The following ZSCAN21 variants were observed in gnomAD, a reference collection of about 807,000 sequenced individuals.
The protein encoded by ZSCAN21 is zinc finger and SCAN domain containing 21.
ZSCAN21 carries 26 observed loss-of-function variants against 35.6 expected under a neutral mutation model. The ratio of observed to expected loss-of-function variants is 0.73; its 90% CI spans 0.54 to 1.01. ZSCAN21 has a LOEUF of 1.01. Ranked by LOEUF, ZSCAN21 falls within the 50% of genes least tolerant of loss-of-function variation. ZSCAN21 has a pLI of 0.00. For synonymous variants in ZSCAN21, 219 were observed against 219.3 expected (o/e 1.00, Z 0.01); for missense variants, 593 against 587.1 (o/e 1.01, Z -0.10).
chr7:100,064,409 C>A lies in ZSCAN21; in HGVS notation c.1214C>A (p.Ser405Tyr), dbSNP rs1349022500. ...KSFSQHAGLS[S>Y]HQRLHTGEKP... is the part of the protein sequence containing the mutation. ...TTCAGTCAGCATGCGGGCCTCAGCT[C>A]CCACCAGAGACTCCACACCGGAGAG... The change falls in exon 4 of 4, where the codon TCC (serine) becomes TAC (tyrosine). Residue 405 changes from serine to tyrosine, a missense_variant. Transcript: ENST00000292450. 6.2e-7 allele frequency: 1 copy of A among 1,613,628 alleles called. No homozygotes were observed. The highest frequency in any genetic ancestry group is 8.5e-7 in the Non-Finnish European group (1 of 1,179,874).
In ZSCAN21 at chr7:100,064,123, T is replaced by C. The variant is rs368423078; in HGVS notation, c.928T>C (p.Cys310Arg). 37 of 1,614,044 alleles carry C rather than the reference T, an allele frequency of 2.3e-5. No homozygotes were observed. In the African/African-American group the frequency reaches 4.8e-4, roughly 21 times the overall value. Residue 310 changes from cysteine (C) to arginine (R), a missense_variant, in exon 4 of 4, where the codon TGT becomes CGT. By Grantham distance (180) the Cys-to-Arg change is radical (BLOSUM62 -3). Coordinates refer to ENST00000292450, the MANE Select transcript of ZSCAN21 (RefSeq NM_145914.3). Reference protein sequence around the residue: ...TGEKPYVCTKCGKAFSHSSNL... With the variant: ...TGEKPYVCTKRGKAFSHSSNL... The stretch of plus-strand genomic sequence containing the variant: ...GGAGAAACCTTACGTGTGCACCAAG[T>C]GTGGGAAAGCTTTCAGCCACAGCTC...
chr7:100,051,178 C>CAAA lies in ZSCAN21; in HGVS notation c.-97+1360_-97+1362dup, dbSNP rs369246193. 4.1e-3 allele frequency among the ~76,000 whole-genome samples: 169 copies of CAAA among 41,360 alleles called. 10 individuals carry two copies. Among genetic ancestry groups the CAAA allele is most frequent in the African/African-American group, 5.2e-3 (46 of 8,852 alleles). The allele number at this position is 41,360 out of a possible 152,430, so 27.1% of individuals were successfully genotyped here. A position where few individuals can be genotyped will look rare whatever the true frequency, so the allele number is the denominator to read the frequency against. ...GGGAAACAAGAGTGAAACTACGTCT[C>CAAA]AAAAAAAAAAAAAAAAAAAAAAAAA... is the stretch of plus-strand genomic sequence containing the variant. On this transcript the variant is annotated intron_variant, in intron 1 of 3. Transcript: ENST00000292450.
chr7:100,064,928 A>G lies in ZSCAN21; in HGVS notation c.*311A>G, dbSNP rs1379181183. On this transcript the variant is annotated 3_prime_UTR_variant, in exon 4 of 4. Transcript: ENST00000292450. ...TGTATCCAGTCTAGTTAAGGAAGAAACATTAAGATTGTTTAATTTTTAACA... is the reference window on the plus strand; with the variant it reads ...TGTATCCAGTCTAGTTAAGGAAGAAGCATTAAGATTGTTTAATTTTTAACA... 1.2e-6 allele frequency: 2 copies of G among 1,610,520 alleles called. No homozygotes were observed. The highest frequency in any genetic ancestry group is 1.7e-6 in the Non-Finnish European group (2 of 1,178,552).
chr7:100,053,889 A>G (rs1040805492), intron 1 of ZSCAN21, among the ~76,000 whole-genome samples: 1 of 152,034 alleles, frequency 6.6e-6, no homozygotes, highest in African/African-American at 2.4e-5. Flanking sequence ...CCAAGATACT[A>G]GGTATGGCCC....
In ZSCAN21 at chr7:100,063,808, C is replaced by T; in HGVS notation, c.613C>T (p.His205Tyr). 1.2e-6 allele frequency: 2 copies of T among 1,610,466 alleles called. No homozygotes were observed. The highest frequency in any genetic ancestry group is 2.2e-5 in the South Asian group (2 of 90,490). ...TTCAGATTGCAGATTGAGTACCCAG[C>T]ACGAGGAATCAGCAGATGAGCAGAA... ...KVRDCRLSTQ[H>Y]EESADEQKGS... The change falls in exon 4 of 4, where the codon CAC becomes TAC. Residue 205 changes from histidine to tyrosine, a missense_variant. Transcript: ENST00000292450.
intron 3 of ZSCAN21, among the ~76,000 whole-genome samples, chr7:100,059,768 G>A (rs1217844516): frequency 2.6e-5 from 4 of 151,066 alleles, no homozygotes; most frequent in African/African-American, 9.7e-5. Flanking sequence ...GGAGTGCAGT[G>A]GCGCTATATC....
intron 1 of ZSCAN21, among the ~76,000 whole-genome samples, chr7:100,052,274 A>G (rs944134896): frequency 1.3e-5 from 2 of 151,876 alleles, no homozygotes; most frequent in Non-Finnish European, 2.9e-5. Flanking sequence ...GAAAAACAAT[A>G]AAATAAAGAC....
Position 100,064,394 on chromosome 7 carries a change from A to T in ZSCAN21, c.1199A>T (p.His400Leu), listed in dbSNP as rs143021897. 1 of 1,608,262 alleles carries T rather than the reference A, an allele frequency of 6.2e-7. No homozygotes were observed. The highest frequency in any genetic ancestry group is 1.4e-5 in the African/African-American group (1 of 73,146). Reference sequence around the variant, plus strand: ...GAATGTGGGAAGAGCTTCAGTCAGCATGCGGGCCTCAGCTCCCACCAGAGA... The same window carrying T: ...GAATGTGGGAAGAGCTTCAGTCAGCTTGCGGGCCTCAGCTCCCACCAGAGA... The part of the protein sequence containing the change: ...CNECGKSFSQ[H>L]AGLSSHQRLH... Residue 400 changes from histidine to leucine, a missense_variant, in exon 4 of 4, where the codon CAT (histidine) becomes CTT (leucine). Physicochemically the swap from His to Leu is moderately conservative, Grantham distance 99 (BLOSUM62 -3). Transcript: ENST00000292450.
At chr7:100,058,208 A>G (rs1233072010) in intron 3 of ZSCAN21, among the ~76,000 whole-genome samples, 2 of 152,214 alleles carry the variant, frequency 1.3e-5, no homozygotes, top group Non-Finnish European at 2.9e-5. Context: ...AAATGAACCA[A>G]TAAGGAATAG....
At chr7:100,055,627 G>C (rs1407054396) in intron 1 of ZSCAN21, among the ~76,000 whole-genome samples, 1 of 145,742 alleles carries the variant, frequency 6.9e-6, no homozygotes, top group Non-Finnish European at 1.5e-5. Flanking sequence ...CCAGTCATTT[G>C]ACTAGTGAAT....
At chr7:100,054,749 G>A (rs1357860755) in intron 1 of ZSCAN21, among the ~76,000 whole-genome samples, 2 of 142,500 alleles carry the variant, frequency 1.4e-5, no homozygotes, top group Non-Finnish European at 3.0e-5. Context: ...TGAGGCAGGA[G>A]AATCGCTTGA....
At chr7:100,054,491 C>G (rs770990174) in intron 1 of ZSCAN21, among the ~76,000 whole-genome samples, 7 of 152,098 alleles carry the variant, frequency 4.6e-5, no homozygotes, top group Middle Eastern at 3.4e-3. Context: ...CTCAGGTGAT[C>G]CACCTGCCTC....
Position 100,051,178 on chromosome 7 carries a change from C to CAAAAAAAA in ZSCAN21, c.-97+1355_-97+1362dup, listed in dbSNP as rs369246193. Among the ~76,000 whole-genome samples the CAAAAAAAA allele has an allele frequency of 6.1e-3, 251 of 41,362 alleles. 20 individuals are homozygous for CAAAAAAAA. Among genetic ancestry groups the CAAAAAAAA allele is most frequent in the African/African-American group, 0.019 (169 of 8,850 alleles). 27.1% of individuals were successfully genotyped at this position (41,362 alleles called of 152,430 possible). A position where few individuals can be genotyped will look rare whatever the true frequency, so the allele number is the denominator to read the frequency against. ...GGGAAACAAGAGTGAAACTACGTCTCAAAAAAAAAAAAAAAAAAAAAAAAA... is the reference window on the plus strand; with the variant it reads ...GGGAAACAAGAGTGAAACTACGTCTCAAAAAAAAAAAAAAAAAAAAAAAAAAAAAAAAA... On this transcript the variant is annotated intron_variant, in intron 1 of 3. Coordinates refer to ENST00000292450, the MANE Select transcript of ZSCAN21 (RefSeq NM_145914.3).
At position 100,064,005 on chromosome 7, in the gene ZSCAN21, T is replaced by C. The variant is rs1792491284; in HGVS notation, c.810T>C (p.Pro270=). The C allele has an allele frequency of 1.9e-6, 3 of 1,614,020 alleles. No individual in the cohort carries two copies. The highest frequency in any genetic ancestry group is 2.5e-6 in the Non-Finnish European group (3 of 1,180,024). Residue 270 remains proline (P), a synonymous_variant, in exon 4 of 4, where the codon CCT becomes CCC. Coordinates refer to ENST00000292450, the MANE Select transcript of ZSCAN21 (RefSeq NM_145914.3). Reference sequence around the variant, plus strand: ...GTAGAGAATCAGTTCCTACTAAACCTACCCCAGGAGAGAGACGTTATATAT... The same window carrying C: ...GTAGAGAATCAGTTCCTACTAAACCCACCCCAGGAGAGAGACGTTATATAT... ...KKGRESVPTK[P]TPGERRYICA... is the part of the protein sequence containing the mutation.
chr7:100,064,333 C>T lies in ZSCAN21; in HGVS notation c.1138C>T (p.Arg380Trp), dbSNP rs991075450. 3 of 1,613,082 alleles carry T rather than the reference C, an allele frequency of 1.9e-6. No homozygotes were observed. Among genetic ancestry groups the T allele is most frequent in the Non-Finnish European group, 2.5e-6 (3 of 1,179,722 alleles). The change falls in exon 4 of 4, where the codon CGG becomes TGG. Residue 380 changes from arginine (R) to tryptophan (W), a missense_variant. Transcript: ENST00000292450. ...GAAAGGCAGCCTCATTCGTCACTAT[C>T]GGATCCACACTGGGGAGAAGCCTTA... ...SGKGSLIRHY[R>W]IHTGEKPYQC...
chr7:100,057,683 C>T lies in ZSCAN21; in HGVS notation c.400-15C>T. 1 of 1,595,304 alleles carries T rather than the reference C, an allele frequency of 6.3e-7. No homozygotes were observed. The highest frequency in any genetic ancestry group is 8.5e-7 in the Non-Finnish European group (1 of 1,170,062). On this transcript the variant is annotated splice_polypyrimidine_tract_variant and intron_variant, in intron 2 of 3. Coordinates refer to ENST00000292450, the MANE Select transcript of ZSCAN21 (RefSeq NM_145914.3). ...TGAGCCATGCACAAACCTAGCCATT[C>T]CTGATTGTCTCTAGGTCTCAACTCC...
rs747285309 is a variant in ZSCAN21 at position 100,057,398 on chromosome 7, G to C, written c.392G>C (p.Gly131Ala). The C allele has an allele frequency of 6.5e-6, 10 of 1,546,454 alleles. No homozygotes were observed. Among genetic ancestry groups the C allele is most frequent in the Non-Finnish European group, 8.7e-6 (10 of 1,149,562 alleles). Residue 131 changes from glycine to alanine, a missense_variant, in exon 2 of 4, where the codon GGA becomes GCA. Gly to Ala is a moderately conservative substitution (Grantham distance 60). Coordinates refer to ENST00000292450, the MANE Select transcript of ZSCAN21 (RefSeq NM_145914.3). ...CTGGAGCGGGAACTGGATGAGCCAG[G>C]ACACCAGGTAGGCAGGAGAGACCTT... The part of the protein sequence containing the change: ...EDLERELDEP[G>A]HQVSTPPNEQ...
rs1166507998 is a variant in ZSCAN21, at chr7:100,064,422, C to T, written c.1227C>T (p.Leu409=). The change falls in exon 4 of 4, where the codon CTC becomes CTT. Residue 409 remains leucine, a synonymous_variant. Coordinates refer to ENST00000292450, the MANE Select transcript of ZSCAN21 (RefSeq NM_145914.3). ...QHAGLSSHQR[L]HTGEKPYKCK... is the part of the protein sequence containing the mutation. ...CGGGCCTCAGCTCCCACCAGAGACT[C>T]CACACCGGAGAGAAGCCATATAAGT... 5.0e-6 allele frequency: 8 copies of T among 1,613,770 alleles called. No individual in the cohort carries two copies. The South Asian group carries it at 8.8e-5, about 18-fold the overall frequency.
intron 1 of ZSCAN21, among the ~76,000 whole-genome samples, chr7:100,055,745 A>G (rs1400576998): frequency 6.7e-6 from 1 of 148,310 alleles, no homozygotes; most frequent in East Asian, 2.0e-4. Flanking sequence ...GGTTCAGGCC[A>G]TTCTCCTGCC....
Sources: allele counts gnomAD v4.1 joint callset (sites outside exome capture counted in the v4.1 genomes callset), GRCh38; gene constraint gnomAD v4.1.1; transcripts MANE v1.5; gene names NCBI Gene and HGNC (gene_info 2026-07-23, HGNC 2026-07-21).